The following GNA12 variants were observed in gnomAD, a reference collection of about 807,000 sequenced individuals.
GNA12 encodes G protein subunit alpha 12.
A neutral mutation model predicts 26.0 loss-of-function variants in GNA12; 9 were observed. The ratio of observed to expected loss-of-function variants is 0.35; its 90% CI spans 0.21 to 0.60. The LOEUF (loss-of-function observed/expected upper bound fraction) is 0.60. GNA12 is among the 20% of genes least tolerant of loss of function. The pLI is 0.78. For missense variants in GNA12, 405 were observed against 525.8 expected (o/e 0.77, Z 2.25); for synonymous variants, 264 against 219.6 (o/e 1.20, Z -1.79).
chr7:2,806,170 G>T (rs565460744), intron 1 of GNA12, among the ~76,000 whole-genome samples: 1 of 152,274 alleles, frequency 6.6e-6, no homozygotes, highest in South Asian at 2.1e-4. Context: ...ATTGCTGTAG[G>T]ATAACATATC....
chr7:2,781,612 A>G (rs1792232091), intron 2 of GNA12, among the ~76,000 whole-genome samples: 2 of 152,190 alleles, frequency 1.3e-5, no homozygotes, highest in Non-Finnish European at 2.9e-5. Flanking sequence ...AATGGTAAAT[A>G]TTTCAGGCTT....
At chr7:2,824,287 G>C (rs929147184) in intron 1 of GNA12, among the ~76,000 whole-genome samples, 21 of 152,128 alleles carry the variant, frequency 1.4e-4, no homozygotes, top group Admixed American at 9.2e-4. Flanking sequence ...CAGGGACAAA[G>C]AGCCCCTCAC....
rs76918194 is a variant in GNA12, at chr7:2,800,095, T to C, written c.310-4952A>G. Among the ~76,000 whole-genome samples the C allele has an allele frequency of 2.2e-3, 330 of 152,350 alleles. 5 individuals carry two copies. In the East Asian group the frequency reaches 0.051, roughly 23 times the overall value. On this transcript the variant is annotated intron_variant, in intron 1 of 3. Coordinates refer to ENST00000275364, the MANE Select transcript of GNA12 (RefSeq NM_007353.3). ...ATGTTCACAGCAGCTCTGTTCATCA[T>C]AGCCCCAAACTGGAAGCAAGCTGTG...
intron 1 of GNA12, among the ~76,000 whole-genome samples, chr7:2,841,380 G>A (rs1778983769): frequency 6.6e-6 from 1 of 152,128 alleles, no homozygotes; most frequent in Admixed American, 6.6e-5. Flanking sequence ...CAGTCAAACT[G>A]CTATACTTTT....
chr7:2,806,687 G>A (rs956035439), intron 1 of GNA12, among the ~76,000 whole-genome samples: 1 of 151,972 alleles, frequency 6.6e-6, no homozygotes, highest in African/African-American at 2.4e-5. Flanking sequence ...TTTTTCTAGC[G>A]ATGTATCGTA....
At chr7:2,788,642 T>C (rs2115447159) in intron 2 of GNA12, among the ~76,000 whole-genome samples, 1 of 152,246 alleles carries the variant, frequency 6.6e-6, no homozygotes, top group East Asian at 1.9e-4. Context: ...GAAAGTTAGA[T>C]AGTGAGGATA....
intron 1 of GNA12, among the ~76,000 whole-genome samples, chr7:2,842,127 A>AG (rs1779012899): frequency 1.4e-5 from 2 of 144,388 alleles, no homozygotes; most frequent in Non-Finnish European, 3.0e-5. Flanking sequence ...GAGGAAGAAA[A>AG]GAAAGGAAGG....
At chr7:2,817,203 T>C (rs1455333597) in intron 1 of GNA12, among the ~76,000 whole-genome samples, 1 of 152,252 alleles carries the variant, frequency 6.6e-6, no homozygotes, top group Non-Finnish European at 1.5e-5. Flanking sequence ...CCTCCAGGGT[T>C]CAAGCGATTC....
At chr7:2,837,333 C>G (rs1185044130) in intron 1 of GNA12, among the ~76,000 whole-genome samples, 2 of 152,224 alleles carry the variant, frequency 1.3e-5, no homozygotes, top group African/African-American at 4.8e-5. Context: ...GCCACAGGGT[C>G]TCAGAGACCC....
At position 2,728,577 on chromosome 7, in the gene GNA12, T is replaced by G. The variant is rs929896669; in HGVS notation, c.*2604A>C. On this transcript the variant is annotated 3_prime_UTR_variant, in exon 4 of 4. Coordinates refer to ENST00000275364, the MANE Select transcript of GNA12 (RefSeq NM_007353.3). ...ACAGATCTTATTTTGAGGAACTTTA[T>G]TGTTACATTTTTGCAATAATTGAGG... 6.6e-6 allele frequency: 1 copy of G among 152,626 alleles called. No homozygotes were observed. The highest frequency in any genetic ancestry group is 2.4e-5 in the African/African-American group (1 of 41,456). 9.5% of individuals were successfully genotyped at this position (152,626 alleles called of 1,614,324 possible).
intron 1 of GNA12, among the ~76,000 whole-genome samples, chr7:2,828,050 T>C (rs1252724860): frequency 6.6e-6 from 1 of 152,108 alleles, no homozygotes; most frequent in African/African-American, 2.4e-5. Context: ...TACCAAGAAT[T>C]AAGAAACAAG....
At chr7:2,734,287 A>G (rs923793102) in intron 2 of GNA12, among the ~76,000 whole-genome samples, 1 of 152,204 alleles carries the variant, frequency 6.6e-6, no homozygotes, top group African/African-American at 2.4e-5. Context: ...ACAGGCACGC[A>G]ATGAGTCCCT....
intron 1 of GNA12, among the ~76,000 whole-genome samples, chr7:2,834,702 A>T (rs757572609): frequency 1.2e-4 from 18 of 152,238 alleles, no homozygotes; most frequent in Non-Finnish European, 2.4e-4. Context: ...CCATAAGGTT[A>T]TAACACCAGA....
intron 2 of GNA12, among the ~76,000 whole-genome samples, chr7:2,790,342 C>G (rs2115450147): frequency 6.6e-6 from 1 of 152,340 alleles, no homozygotes; most frequent in East Asian, 1.9e-4. Flanking sequence ...GCCTGGAACT[C>G]CTGGGCTCAA....
At chr7:2,842,591 C>A (rs1371802921) in intron 1 of GNA12, among the ~76,000 whole-genome samples, 1 of 152,204 alleles carries the variant, frequency 6.6e-6, no homozygotes, top group Non-Finnish European at 1.5e-5. Flanking sequence ...AGCCATCACA[C>A]CTGGCCGACT....
intron 1 of GNA12, chr7:2,814,888 G>A: frequency 6.2e-7 from 1 of 1,602,358 alleles, no homozygotes; most frequent in Non-Finnish European, 8.5e-7. Context: ...CGACTGCCAG[G>A]CATCCTTGCT....
intron 1 of GNA12, among the ~76,000 whole-genome samples, chr7:2,813,792 T>C (rs750341850): frequency 2.6e-5 from 4 of 152,056 alleles, no homozygotes; most frequent in Non-Finnish European, 5.9e-5. Context: ...ACCACGGAGA[T>C]TGTGATGTTA....
At chr7:2,784,867 T>C (rs1437668936) in intron 2 of GNA12, among the ~76,000 whole-genome samples, 1 of 152,260 alleles carries the variant, frequency 6.6e-6, no homozygotes, top group Admixed American at 6.5e-5. Flanking sequence ...AAAACGTTTA[T>C]GTATTCAAAT....
chr7:2,844,008 G>T lies in GNA12; in HGVS notation c.154C>A (p.Arg52Ser). Residue 52 changes from arginine to serine, a missense_variant, in exon 1 of 4, where the codon CGC becomes AGC. Physicochemically the swap from Arg to Ser is moderately radical, Grantham distance 110 (BLOSUM62 -1). Transcript: ENST00000275364. ...DIDALLARERRAVRRLVKILL... is the reference protein window; with the variant it reads ...DIDALLARERSAVRRLVKILL... ...ATCTTCACCAGGCGCCGGACCGCGC[G>T]CCGCTCGCGGGCCAGCAGCGCGTCG... 6.5e-7 allele frequency: 1 copy of T among 1,527,440 alleles called. No individual in the cohort carries two copies. Among genetic ancestry groups the T allele is most frequent in the Non-Finnish European group, 8.8e-7 (1 of 1,137,678 alleles). The allele number at this position is 1,527,440 out of a possible 1,614,324, so 94.6% of individuals were successfully genotyped here. A position where few individuals can be genotyped will look rare whatever the true frequency, so the allele number is the denominator to read the frequency against.
Sources: allele counts gnomAD v4.1 joint callset (sites outside exome capture counted in the v4.1 genomes callset), GRCh38; gene constraint gnomAD v4.1.1; transcripts MANE v1.5; gene names NCBI Gene and HGNC (gene_info 2026-07-23, HGNC 2026-07-21).